ESD: variants seen among roughly 807,000 people sequenced by gnomAD.
ESD encodes the protein esterase D.
ESD carries 34 observed loss-of-function variants against 38.1 expected under a neutral mutation model. That is an observed-to-expected ratio of 0.89 (90% CI 0.68 to 1.19). ESD has a LOEUF of 1.19. Among genes scored for constraint, ESD ranks in the 50% most tolerant of loss-of-function variants. The pLI is 0.00. For missense variants in ESD, 334 were observed against 327.2 expected (o/e 1.02, Z -0.16); for synonymous variants, 97 against 107.0 (o/e 0.91, Z 0.58).
intron 1 of ESD, among the ~76,000 whole-genome samples, chr13:46,794,407 T>G (rs1323145083): frequency 6.6e-6 from 1 of 152,132 alleles, no homozygotes; most frequent in East Asian, 1.9e-4. Context: ...TAATCATGAC[T>G]CAGTGTAACC....
At chr13:46,793,117 A>T (rs1355055511) in intron 2 of ESD, among the ~76,000 whole-genome samples, 1 of 152,134 alleles carries the variant, frequency 6.6e-6, no homozygotes, top group Non-Finnish European at 1.5e-5. Flanking sequence ...AATATTTTTT[A>T]AAAAACAAAG....
chr13:46,789,162 A>G (rs936857488), intron 3 of ESD, among the ~76,000 whole-genome samples: 5 of 152,134 alleles, frequency 3.3e-5, no homozygotes, highest in African/African-American at 1.2e-4. Context: ...ACTCATCTGG[A>G]AACTCTTTCT....
At chr13:46,774,209 G>C (rs571425726) in intron 9 of ESD, among the ~76,000 whole-genome samples, 1 of 152,106 alleles carries the variant, frequency 6.6e-6, no homozygotes, top group East Asian at 1.9e-4. Context: ...TGCAAGACAA[G>C]ACATCTAAAA....
intron 3 of ESD, among the ~76,000 whole-genome samples, chr13:46,789,549 C>T (rs1217973616): frequency 1.7e-5 from 2 of 119,926 alleles, no homozygotes; most frequent in African/African-American, 6.3e-5. Flanking sequence ...TTGTACTAGA[C>T]AACTTTTTAA....
At chr13:46,787,538 A>G (rs1481989443) in intron 3 of ESD, among the ~76,000 whole-genome samples, 1 of 151,972 alleles carries the variant, frequency 6.6e-6, no homozygotes, top group African/African-American at 2.4e-5. Context: ...CTCTTTCATC[A>G]CTAATATTTT....
chr13:46,792,644 T>C (rs571109805), intron 2 of ESD, among the ~76,000 whole-genome samples: 1 of 152,076 alleles, frequency 6.6e-6, no homozygotes, highest in Non-Finnish European at 1.5e-5. Context: ...TTCTATAGAA[T>C]TATGATATTA....
chr13:46,777,521 G>GT lies in ESD; in HGVS notation c.702dup (p.Leu235ThrfsTer3). Reference sequence around the variant, plus strand: ...CAGGCAGCTATGAAGTTATCAGGGAGTAACTGTCCATCTAAAAGAAACTGG... The same window carrying GT: ...CAGGCAGCTATGAAGTTATCAGGGAGTTAACTGTCCATCTAAAAGAAACTGG... On this transcript the variant is annotated frameshift_variant, in exon 9 of 10. Transcript: ENST00000378720. LOFTEE classifies it high-confidence loss of function. 1 of 1,611,278 alleles carries GT rather than the reference G, an allele frequency of 6.2e-7. No individual in the cohort carries two copies. Among genetic ancestry groups the GT allele is most frequent in the Non-Finnish European group, 8.5e-7 (1 of 1,178,132 alleles).
At chr13:46,789,010 A>G (rs1391558816) in intron 3 of ESD, among the ~76,000 whole-genome samples, 1 of 152,168 alleles carries the variant, frequency 6.6e-6, no homozygotes, top group African/African-American at 2.4e-5. Context: ...TGGTCATGTG[A>G]CTACTGAGCA....
intron 4 of ESD, 132 bp from the exon 5 acceptor site, chr13:46,784,482 C>T (rs1031842244): frequency 3.3e-6 from 2 of 610,790 alleles, no homozygotes; most frequent in Non-Finnish European, 2.9e-6. Flanking sequence ...GTACTATGTT[C>T]ACTACCCGGG....
intron 3 of ESD, among the ~76,000 whole-genome samples, chr13:46,787,447 A>G (rs1368728403): frequency 6.6e-6 from 1 of 152,010 alleles, no homozygotes; most frequent in Non-Finnish European, 1.5e-5. Context: ...GAAATGACAA[A>G]TCATCTTTCA....
intron 8 of ESD, among the ~76,000 whole-genome samples, chr13:46,779,074 CAG>C (rs1436486038): frequency 6.6e-6 from 1 of 151,562 alleles, no homozygotes; most frequent in African/African-American, 2.4e-5. Flanking sequence ...AAACTCTTGG[CAG>C]AGTTTGTAAA....
chr13:46,786,901 G>A, intron 4 of ESD, 120 bp downstream of exon 4: 2 of 463,568 alleles, frequency 4.3e-6, no homozygotes, highest in East Asian at 6.4e-5. Context: ...ACTATGACAG[G>A]TCCTTAAAGT....
At chr13:46,789,813 T>G (rs1159818776) in intron 3 of ESD, among the ~76,000 whole-genome samples, 1 of 151,742 alleles carries the variant, frequency 6.6e-6, no homozygotes. Context: ...AGTTGAGGAT[T>G]TTTTTATTTT....
intron 9 of ESD, among the ~76,000 whole-genome samples, chr13:46,772,828 G>GCC (rs1156798016): frequency 1.3e-5 from 2 of 152,118 alleles, no homozygotes; most frequent in Non-Finnish European, 2.9e-5. Flanking sequence ...GGGACTACAG[G>GCC]TGCATGCCAC....
At chr13:46,789,960 T>A (rs2138302409) in intron 3 of ESD, among the ~76,000 whole-genome samples, 1 of 151,278 alleles carries the variant, frequency 6.6e-6, no homozygotes, top group Non-Finnish European at 1.5e-5. Context: ...GGACTACAGG[T>A]GTGCATAACC....
At chr13:46,788,864 CCTCT>C (rs898779155) in intron 3 of ESD, among the ~76,000 whole-genome samples, 3 of 151,988 alleles carry the variant, frequency 2.0e-5, no homozygotes, top group Non-Finnish European at 2.9e-5. Flanking sequence ...TCATAAATTT[CCTCT>C]CTAATACAGT....
At chr13:46,782,319 T>C (rs747026004) in intron 6 of ESD, among the ~76,000 whole-genome samples, 5 of 151,826 alleles carry the variant, frequency 3.3e-5, no homozygotes, top group Non-Finnish European at 5.9e-5. Context: ...ATATTATTAA[T>C]AGAGGTAATG....
At chr13:46,777,715 A>G (rs1874855999) in intron 8 of ESD, 92 bp from the exon 9 acceptor site, 1 of 1,054,808 alleles carries the variant, frequency 9.5e-7, no homozygotes. Flanking sequence ...AAAGTTATTT[A>G]AGCTCTTAGG....
chr13:46,773,424 G>T (rs1037683937), intron 9 of ESD, among the ~76,000 whole-genome samples: 5 of 152,126 alleles, frequency 3.3e-5, no homozygotes, highest in Non-Finnish European at 7.4e-5. Context: ...TAAAATACAA[G>T]GTTGAATAAA....
Sources: gnomAD v4.1 joint callset for allele counts (sites outside exome capture counted in the v4.1 genomes callset) on GRCh38, gnomAD v4.1.1 for gene constraint, MANE v1.5 for transcripts, NCBI Gene and HGNC (gene_info 2026-07-23, HGNC 2026-07-21) for gene names.